Variants in HNF1A observed in about 807,000 individuals in gnomAD.
The protein encoded by HNF1A is hepatocyte nuclear factor 1-alpha.
HNF1A carries 21 observed loss-of-function variants against 62.2 expected under a neutral mutation model. That is an observed-to-expected ratio of 0.34 (90% confidence interval 0.24 to 0.49). The LOEUF is 0.49. Ranked by LOEUF, HNF1A falls within the 20% of genes least tolerant of loss-of-function variation. The probability of loss-of-function intolerance (pLI) is 0.99; values close to 1 mark genes in which losing one functional copy is unlikely to be tolerated. For missense variants in HNF1A, 687 were observed against 832.3 expected (o/e 0.83, Z 2.15); for synonymous variants, 374 against 366.8 (o/e 1.02, Z -0.22).
At chr12:120,983,800 C>T (rs1876369664) in intron 1 of HNF1A, among the ~76,000 whole-genome samples, 1 of 152,136 alleles carries the variant, frequency 6.6e-6, no homozygotes, top group African/African-American at 2.4e-5. Context: ...CCCGCCTCGG[C>T]CTCCCAAAGT....
At chr12:120,998,003 G>A in intron 7 of HNF1A, 2 of 583,164 alleles carry the variant, frequency 3.4e-6, no homozygotes, top group South Asian at 3.9e-5. Flanking sequence ...TCTGGGGCCA[G>A]GCGTGGTGGC....
intron 1 of HNF1A, among the ~76,000 whole-genome samples, chr12:120,980,359 T>A (rs1876191386): frequency 1.3e-5 from 2 of 151,838 alleles, no homozygotes; most frequent in South Asian, 4.2e-4. Context: ...AAGGTCCTGA[T>A]CCCAGCTGGG....
rs935758786 is a variant in HNF1A, at chr12:121,001,468, G to A, written c.*276G>A. The stretch of plus-strand genomic sequence containing the variant: ...TAGGAGGGACTGTCGCTGCTTCGTG[G>A]GATACAGTCTTCTTACTTGGAACTG... On this transcript the variant is annotated 3_prime_UTR_variant, in exon 10 of 10. Transcript: ENST00000257555. 1.2e-5 allele frequency: 6 copies of A among 501,846 alleles called. No homozygotes were observed. The highest frequency in any genetic ancestry group is 8.2e-5 in the South Asian group (4 of 48,826). 31.1% of individuals were successfully genotyped at this position (501,846 alleles called of 1,614,324 possible). A position where few individuals can be genotyped will look rare whatever the true frequency, so the allele number is the denominator to read the frequency against.
chr12:120,980,094 A>G (rs1464548509), intron 1 of HNF1A, among the ~76,000 whole-genome samples: 4 of 152,130 alleles, frequency 2.6e-5, no homozygotes, highest in African/African-American at 9.7e-5. Flanking sequence ...CTGAGGTTTC[A>G]CAGGAATAAT....
At chr12:120,995,264 T>C (rs1463900151) in intron 4 of HNF1A, among the ~76,000 whole-genome samples, 1 of 150,424 alleles carries the variant, frequency 6.6e-6, no homozygotes, top group Non-Finnish European at 1.5e-5. Context: ...TCCATTCAGC[T>C]CCACTCCATC....
chr12:121,002,496 G>A lies in HNF1A; in HGVS notation c.*1304G>A, dbSNP rs1877576576. The A allele has an allele frequency of 3.9e-6, 2 of 513,504 alleles. No individual in the cohort carries two copies. The highest frequency in any genetic ancestry group is 1.9e-5 in the African/African-American group (1 of 52,700). The allele number at this position is 513,504 out of a possible 1,614,324, so 31.8% of individuals were successfully genotyped here. Reference sequence around the variant, plus strand: ...TTATTTAACTTTTAGTAAAGTCAAGGAGAAATGCGGTGGAAACTTCTTGCT... The same window carrying A: ...TTATTTAACTTTTAGTAAAGTCAAGAAGAAATGCGGTGGAAACTTCTTGCT... On this transcript the variant is annotated 3_prime_UTR_variant, in exon 10 of 10. Transcript: ENST00000257555.
rs748073658 is a variant in HNF1A, at chr12:120,996,219, A to C, written c.956-43A>C. The C allele has an allele frequency of 1.9e-6, 3 of 1,611,478 alleles. No individual in the cohort carries two copies. The highest frequency in any genetic ancestry group is 2.5e-6 in the Non-Finnish European group (3 of 1,179,012). On this transcript the variant is annotated intron_variant, in intron 4 of 9. Coordinates refer to ENST00000257555, the MANE Select transcript of HNF1A (RefSeq NM_000545.8). The surrounding 1 kb of genome is among the most constrained non-coding windows in gnomAD (Gnocchi z 4.5). ...GAGGGCTGTGGAGGCAGGGGAGGGC[A>C]GGGAAGTGGGGTGCTGAGGCAGGAC...
intron 2 of HNF1A, among the ~76,000 whole-genome samples, chr12:120,992,205 C>A (rs376212763): frequency 1.3e-5 from 2 of 152,174 alleles, no homozygotes; most frequent in Non-Finnish European, 2.9e-5. Context: ...GAGGTTCACA[C>A]AGCATTTCTT....
At chr12:120,997,183 T>G in intron 6 of HNF1A, 1 of 1,413,476 alleles carries the variant, frequency 7.1e-7, no homozygotes, top group Non-Finnish European at 9.2e-7. Context: ...GCCTTTGCAC[T>G]GCTGTGGAAC....
rs137853245 is a variant in HNF1A, at chr12:120,994,277, C to A, written c.827C>A (p.Ala276Asp). ...NWFANRRKEE[A>D]FRHKLAMDTY... is the part of the protein sequence containing the mutation. ...TTTGCCAACCGGCGCAAAGAAGAAG[C>A]CTTCCGGCACAAGCTGGCCATGGAC... The change falls in exon 4 of 10, where the codon GCC becomes GAC. Residue 276 changes from alanine to aspartate, a missense_variant. This residue lies in a region of HNF1A where 47 missense variants were observed against 109.4 expected (regional missense o/e 0.43). Transcript: ENST00000257555. 1.2e-6 allele frequency: 2 copies of A among 1,613,406 alleles called. No individual in the cohort carries two copies. The highest frequency in any genetic ancestry group is 2.7e-5 in the African/African-American group (2 of 75,030).
In HNF1A at chr12:120,996,157, C is replaced by A; in HGVS notation, c.956-105C>A. 7.3e-7 allele frequency: 1 copy of A among 1,375,246 alleles called. No individual in the cohort carries two copies. The allele number at this position is 1,375,246 out of a possible 1,614,324, so 85.2% of individuals were successfully genotyped here. ...TGCTGGCTGCATAAAGGCAGACAGG[C>A]AGCTGGCCTAAGCAAACCAATGGAG... is the stretch of plus-strand genomic sequence containing the variant. On this transcript the variant is annotated intron_variant, in intron 4 of 9. Coordinates refer to ENST00000257555, the MANE Select transcript of HNF1A (RefSeq NM_000545.8). This position sits in a 1 kb window ranked among gnomAD's most constrained non-coding sequence, Gnocchi z 4.5.
At chr12:120,985,846 G>A (rs144219372) in intron 1 of HNF1A, among the ~76,000 whole-genome samples, 6,161 of 151,814 alleles carry the variant, frequency 0.041, 155 homozygotes, top group South Asian at 0.094. Flanking sequence ...TTAGCTGGGT[G>A]TGGTAGCGCA....
intron 2 of HNF1A, 121 bp from the exon 3 acceptor site, chr12:120,993,399 G>C: frequency 1.1e-6 from 1 of 926,128 alleles, no homozygotes; most frequent in South Asian, 1.4e-5. Flanking sequence ...CTAAGTTCTA[G>C]CTGTAAGCTC....
At chr12:120,990,139 T>G (rs1876739716) in intron 2 of HNF1A, among the ~76,000 whole-genome samples, 1 of 152,118 alleles carries the variant, frequency 6.6e-6, no homozygotes, top group Non-Finnish European at 1.5e-5. Flanking sequence ...TAATTTTTTT[T>G]TATTATTTTT....
chr12:120,986,597 T>C (rs2393777), intron 1 of HNF1A, among the ~76,000 whole-genome samples: 15,100 of 152,274 alleles, frequency 0.099, 1,071 homozygotes, highest in Admixed American at 0.24. Context: ...GTTTGTTTTT[T>C]GAGACGGAGT....
At chr12:120,995,873 C>A (rs1877073897) in intron 4 of HNF1A, among the ~76,000 whole-genome samples, 1 of 152,226 alleles carries the variant, frequency 6.6e-6, no homozygotes, top group African/African-American at 2.4e-5. Context: ...CACTTCATAT[C>A]ATTCCACTCA....
At chr12:120,984,620 C>A (rs1876418342) in intron 1 of HNF1A, among the ~76,000 whole-genome samples, 1 of 151,582 alleles carries the variant, frequency 6.6e-6, no homozygotes, top group African/African-American at 2.4e-5. Flanking sequence ...CCAGGCTGGA[C>A]TTTGTACTGC....
Position 120,993,674 on chromosome 12 carries a change from G to A in HNF1A, c.681G>A (p.Glu227=), listed in dbSNP as rs780613374. ...AGAGGCAGAAGAACCCTAGCAAGGA[G>A]GAGCGAGAGACGCTAGTGGAGGAGT... is the stretch of plus-strand genomic sequence containing the variant. The part of the protein sequence containing the change: ...AYERQKNPSK[E]ERETLVEECN... Residue 227 remains glutamate (E), a synonymous_variant, in exon 3 of 10, where the codon GAG becomes GAA. Coordinates refer to ENST00000257555, the MANE Select transcript of HNF1A (RefSeq NM_000545.8). 4.3e-6 allele frequency: 7 copies of A among 1,614,010 alleles called. No homozygotes were observed. Among genetic ancestry groups the A allele is most frequent in the Non-Finnish European group, 5.1e-6 (6 of 1,180,034 alleles).
rs1391013626 is a variant in HNF1A, at chr12:120,996,825, G to GCCTCATTC, written c.1309+83_1309+84insCCTCATTC. 1 of 895,682 alleles carries GCCTCATTC rather than the reference G, an allele frequency of 1.1e-6. No homozygotes were observed. The highest frequency in any genetic ancestry group is 1.5e-6 in the Non-Finnish European group (1 of 668,578). 55.5% of individuals were successfully genotyped at this position (895,682 alleles called of 1,614,324 possible). On this transcript the variant is annotated intron_variant, in intron 6 of 9. Coordinates refer to ENST00000257555, the MANE Select transcript of HNF1A (RefSeq NM_000545.8). The surrounding 1 kb of genome is among the most constrained non-coding windows in gnomAD (Gnocchi z 4.5). ...ATCCAGGAGCTGGAAGAGCCACTGGGACTCATTCATTCATTCATACAACAT... is the reference window on the plus strand; with the variant it reads ...ATCCAGGAGCTGGAAGAGCCACTGGGCCTCATTCACTCATTCATTCATTCATACAACAT...
Sources: allele counts gnomAD v4.1 joint callset (sites outside exome capture counted in the v4.1 genomes callset), GRCh38; gene constraint gnomAD v4.1.1; regional missense constraint gnomAD v4.1.1; non-coding constraint Gnocchi (gnomAD v3.1); transcripts MANE v1.5; gene names NCBI Gene and HGNC (gene_info 2026-07-23, HGNC 2026-07-21).